The following PIBF1 variants were observed in gnomAD, a reference collection of about 807,000 sequenced individuals.
PIBF1 encodes the protein progesterone immunomodulatory binding factor 1.
Under a neutral mutation model 112.5 loss-of-function variants are expected in PIBF1, and 90 were observed. The ratio of observed to expected loss-of-function variants is 0.80; its 90% confidence interval spans 0.67 to 0.95. The LOEUF is 0.95. Among genes scored for constraint, PIBF1 ranks in the 40% least tolerant of loss-of-function variants. PIBF1 has a pLI of 0.00. For synonymous variants in PIBF1, 301 were observed against 288.6 expected (o/e 1.04, Z -0.44); for missense variants, 915 against 852.3 (o/e 1.07, Z -0.92).
At chr13:72,887,462 T>G (rs2039902081) in intron 10 of PIBF1, among the ~76,000 whole-genome samples, 1 of 151,852 alleles carries the variant, frequency 6.6e-6, no homozygotes, top group Non-Finnish European at 1.5e-5. Flanking sequence ...CTGAGATCTT[T>G]CAAATATTTT....
intron 9 of PIBF1, among the ~76,000 whole-genome samples, chr13:72,842,051 G>A (rs1427001819): frequency 3.3e-5 from 5 of 152,112 alleles, no homozygotes; most frequent in Non-Finnish European, 7.4e-5. Context: ...TATCTCCATA[G>A]CATTTAACCA....
At chr13:72,881,963 A>G (rs947225856) in intron 10 of PIBF1, among the ~76,000 whole-genome samples, 4 of 152,130 alleles carry the variant, frequency 2.6e-5, no homozygotes, top group African/African-American at 2.4e-5. Context: ...TGGAACCACA[A>G]TAGACCCAGA....
intron 2 of PIBF1, among the ~76,000 whole-genome samples, chr13:72,784,286 A>C (rs1466825921): frequency 6.6e-6 from 1 of 151,134 alleles, no homozygotes; most frequent in East Asian, 1.9e-4. Context: ...AAAAAAAAAA[A>C]AAAAAAAAAA....
chr13:73,005,919 CTT>C (rs34315714), intron 17 of PIBF1, among the ~76,000 whole-genome samples: 6 of 132,808 alleles, frequency 4.5e-5, no homozygotes, highest in Non-Finnish European at 3.1e-5. Context: ...TCTGGTTTCA[CTT>C]TTTTTTTTTT....
chr13:72,821,631 A>G (rs1182210381), intron 5 of PIBF1, among the ~76,000 whole-genome samples: 1 of 152,210 alleles, frequency 6.6e-6, no homozygotes, highest in Non-Finnish European at 1.5e-5. Flanking sequence ...TTTGAAAAAC[A>G]GTTTAAGTTT....
intron 16 of PIBF1, among the ~76,000 whole-genome samples, chr13:72,993,912 A>G (rs1019592686): frequency 2.0e-5 from 3 of 152,072 alleles, no homozygotes; most frequent in South Asian, 4.1e-4. Flanking sequence ...TGAGGGAGGA[A>G]GGAGTTCAAG....
At chr13:72,837,329 A>C (rs1416333948) in intron 9 of PIBF1, among the ~76,000 whole-genome samples, 1 of 152,112 alleles carries the variant, frequency 6.6e-6, no homozygotes, top group African/African-American at 2.4e-5. Context: ...TAGGAGCACC[A>C]TAATCTTTTA....
intron 17 of PIBF1, among the ~76,000 whole-genome samples, chr13:73,015,093 ATCT>A (rs1193813933): frequency 6.7e-6 from 1 of 149,316 alleles, no homozygotes; most frequent in Non-Finnish European, 1.5e-5. Context: ...TCGTCAAGTG[ATCT>A]TCTCACCTCC....
At chr13:72,817,412 A>C (rs910623717) in intron 5 of PIBF1, among the ~76,000 whole-genome samples, 2 of 152,158 alleles carry the variant, frequency 1.3e-5, no homozygotes, top group Admixed American at 6.6e-5. Flanking sequence ...TGGAAATTTT[A>C]TGTGTCCATT....
At chr13:72,943,522 G>A (rs2042066988) in intron 14 of PIBF1, among the ~76,000 whole-genome samples, 1 of 152,138 alleles carries the variant, frequency 6.6e-6, no homozygotes, top group Non-Finnish European at 1.5e-5. Flanking sequence ...ATCCAAAACT[G>A]TCCTCTGTGC....
At chr13:72,968,271 TTTG>T (rs74223523) in intron 15 of PIBF1, among the ~76,000 whole-genome samples, 13 of 150,962 alleles carry the variant, frequency 8.6e-5, no homozygotes, top group South Asian at 6.3e-4. Context: ...GTTTTGGGGT[TTTG>T]TTGTTGTTGT....
intron 5 of PIBF1, among the ~76,000 whole-genome samples, chr13:72,821,232 C>T (rs1436501246): frequency 6.6e-6 from 1 of 152,106 alleles, no homozygotes; most frequent in Non-Finnish European, 1.5e-5. Context: ...TTGTAAAGAA[C>T]CTTGTGACCA....
chr13:72,942,653 G>A (rs2042044570), intron 14 of PIBF1, among the ~76,000 whole-genome samples: 1 of 152,112 alleles, frequency 6.6e-6, no homozygotes, highest in African/African-American at 2.4e-5. Flanking sequence ...AAAACAGTAT[G>A]ATTTATAGGG....
intron 9 of PIBF1, 102 bp downstream of exon 9, chr13:72,835,470 T>G: frequency 3.6e-6 from 3 of 842,052 alleles, no homozygotes; most frequent in Non-Finnish European, 5.1e-6. Context: ...TCTTTTTTAA[T>G]ACATTAGAGA....
intron 11 of PIBF1, among the ~76,000 whole-genome samples, chr13:72,898,691 A>AT (rs1566421988): frequency 2.1e-5 from 3 of 140,248 alleles, no homozygotes; most frequent in East Asian, 2.0e-4. Flanking sequence ...GCAAAAAAAA[A>AT]AAAAAAATAA....
At chr13:72,930,221 T>C (rs2041657994) in intron 13 of PIBF1, among the ~76,000 whole-genome samples, 1 of 152,180 alleles carries the variant, frequency 6.6e-6, no homozygotes, top group Non-Finnish European at 1.5e-5. Flanking sequence ...AATATTAAAA[T>C]ACAATAGAAT....
At chr13:72,895,748 T>C (rs2040257142) in intron 11 of PIBF1, among the ~76,000 whole-genome samples, 1 of 152,080 alleles carries the variant, frequency 6.6e-6, no homozygotes, top group Admixed American at 6.6e-5. Flanking sequence ...GAATTTTAGC[T>C]CCAGATCGAC....
intron 14 of PIBF1, among the ~76,000 whole-genome samples, chr13:72,931,697 G>A (rs2041701691): frequency 9.1e-6 from 1 of 109,940 alleles, no homozygotes; most frequent in Non-Finnish European, 1.9e-5. Flanking sequence ...CTTTTTCTTA[G>A]CCTTATGTCA....
At chr13:72,957,762 G>A (rs1423937060) in intron 14 of PIBF1, among the ~76,000 whole-genome samples, 1 of 151,844 alleles carries the variant, frequency 6.6e-6, no homozygotes, top group Non-Finnish European at 1.5e-5. Context: ...AATATAGCAA[G>A]ACCCTATCTC....
Sources: gnomAD v4.1 joint callset for allele counts (sites outside exome capture counted in the v4.1 genomes callset) on GRCh38, gnomAD v4.1.1 for gene constraint, MANE v1.5 for transcripts, NCBI Gene and HGNC (gene_info 2026-07-23, HGNC 2026-07-21) for gene names.